The following NAV2 variants were observed in gnomAD, a reference collection of about 807,000 sequenced individuals.
NAV2 encodes the protein helicase, APC down-regulated 1.
NAV2 carries 54 observed loss-of-function variants against 223.2 expected under a neutral mutation model. That is an observed-to-expected ratio of 0.24 (90% confidence interval 0.19 to 0.30). The LOEUF is 0.30. NAV2 is among the 10% of genes least tolerant of loss of function. The pLI, the probability that NAV2 is intolerant of heterozygous loss-of-function variation, is 1.00. For missense variants in NAV2, 2,806 were observed against 3,147.5 expected (o/e 0.89, Z 2.60); for synonymous variants, 1,279 against 1,239.3 (o/e 1.03, Z -0.67).
At position 20,118,713 on chromosome 11, in the gene NAV2, G is replaced by C. The variant is rs1297791455; in HGVS notation, c.*455G>C. 6.0e-6 allele frequency: 1 copy of C among 166,934 alleles called. No homozygotes were observed. The highest frequency in any genetic ancestry group is 1.3e-5 in the Non-Finnish European group (1 of 78,298). 10.3% of individuals were successfully genotyped at this position (166,934 alleles called of 1,614,324 possible). A position where few individuals can be genotyped will look rare whatever the true frequency, so the allele number is the denominator to read the frequency against. ...AGAAGCACGGCTTCCCCTCAGCACA[G>C]ACCCTCCAGACTGGGTCTCAGAGCC... On this transcript the variant is annotated 3_prime_UTR_variant, in exon 38 of 38. Transcript: ENST00000349880.
intron 1 of NAV2, chr11:19,504,503 T>G (rs1157123905): frequency 6.6e-6 from 1 of 152,170 alleles, no homozygotes; most frequent in Non-Finnish European, 1.5e-5. Flanking sequence ...GAGGTTCCTG[T>G]TAGGAGACAT....
intron 6 of NAV2, among the ~76,000 whole-genome samples, chr11:19,924,295 T>TAA (rs76734395): frequency 3.4e-4 from 44 of 129,630 alleles, no homozygotes; most frequent in African/African-American, 6.9e-4. Context: ...GGTAATTCTT[T>TAA]AAAAAAAAAA....
At chr11:19,778,843 T>C (rs2056501660) in intron 1 of NAV2, among the ~76,000 whole-genome samples, 1 of 152,118 alleles carries the variant, frequency 6.6e-6, no homozygotes, top group Admixed American at 6.5e-5. Context: ...TTCACATAAT[T>C]TCTCTCCAAG....
chr11:19,950,276 C>T (rs1275449164), intron 10 of NAV2, among the ~76,000 whole-genome samples: 1 of 152,212 alleles, frequency 6.6e-6, no homozygotes, highest in African/African-American at 2.4e-5. Context: ...ATAGCTAACT[C>T]TCCTATATGC....
At chr11:19,879,794 C>T (rs546513232) in intron 4 of NAV2, 75 bp from the exon 5 acceptor site, 90 of 1,555,844 alleles carry the variant, frequency 5.8e-5, no homozygotes, top group East Asian at 1.1e-4. Flanking sequence ...ATCAAACTCA[C>T]GTGCCGACTG....
rs989176648 is a variant in NAV2, at chr11:19,998,414, G to A, written c.2768+14167G>A. 4.6e-5 allele frequency among the ~76,000 whole-genome samples: 7 copies of A among 151,922 alleles called. No individual in the cohort carries two copies. The East Asian group carries it at 9.7e-4, about 21-fold the overall frequency. ...ACTGTACCCACCAGGGCCTTCATGC[G>A]GTACGTTCTCCACCCAGAAGCTATT... is the stretch of plus-strand genomic sequence containing the variant. On this transcript the variant is annotated intron_variant, in intron 11 of 37. Coordinates refer to ENST00000349880, the MANE Select transcript of NAV2 (RefSeq NM_145117.5). This position sits in a 1 kb window ranked among gnomAD's most constrained non-coding sequence, Gnocchi z 5.0.
chr11:20,002,034 G>A (rs1339570432), intron 11 of NAV2, among the ~76,000 whole-genome samples: 3 of 152,110 alleles, frequency 2.0e-5, no homozygotes, highest in Non-Finnish European at 4.4e-5. Flanking sequence ...CGGCATGGTC[G>A]AGTTCTGATG....
At chr11:20,076,555 AC>A in intron 22 of NAV2, among the ~76,000 whole-genome samples, 1 of 152,184 alleles carries the variant, frequency 6.6e-6, no homozygotes, top group Admixed American at 6.5e-5. Flanking sequence ...CCTTAGCATG[AC>A]TGTTTGAAAC....
intron 1 of NAV2, among the ~76,000 whole-genome samples, chr11:19,586,576 T>C (rs2045902853): frequency 6.6e-6 from 1 of 152,248 alleles, no homozygotes; most frequent in Non-Finnish European, 1.5e-5. Context: ...GTCCTTTCTG[T>C]TTGTTAGTTT....
chr11:19,404,028 G>C (rs1203858290), intron 1 of NAV2, among the ~76,000 whole-genome samples: 1 of 152,142 alleles, frequency 6.6e-6, no homozygotes, highest in African/African-American at 2.4e-5. Flanking sequence ...TGAGTCTGAG[G>C]AGTGAGTGAG....
At chr11:20,051,235 C>G in intron 16 of NAV2, 54 bp from the exon 17 acceptor site, 1 of 1,512,604 alleles carries the variant, frequency 6.6e-7, no homozygotes, top group Non-Finnish European at 9.2e-7. Flanking sequence ...TTCCCTCTCT[C>G]TGCCTTCTGT....
chr11:19,364,319 C>G (rs900509445), intron 1 of NAV2, among the ~76,000 whole-genome samples: 12 of 152,182 alleles, frequency 7.9e-5, no homozygotes, highest in African/African-American at 2.9e-4. Context: ...CTTATTATAT[C>G]ACAGTATCAC....
At chr11:19,554,030 A>G (rs2044781836) in intron 1 of NAV2, among the ~76,000 whole-genome samples, 1 of 152,230 alleles carries the variant, frequency 6.6e-6, no homozygotes, top group Admixed American at 6.5e-5. Context: ...AGAGCATTTC[A>G]TACTGAAAAG....
intron 1 of NAV2, among the ~76,000 whole-genome samples, chr11:19,558,584 T>C (rs2044984370): frequency 6.6e-6 from 1 of 152,206 alleles, no homozygotes; most frequent in Non-Finnish European, 1.5e-5. Flanking sequence ...ACCACCTTCC[T>C]ATGGCCCAAT....
chr11:20,066,724 G>A (rs2059064884), intron 20 of NAV2, among the ~76,000 whole-genome samples: 1 of 152,178 alleles, frequency 6.6e-6, no homozygotes, highest in East Asian at 1.9e-4. Context: ...TGACATCAGG[G>A]TCAGATGCTG....
chr11:19,987,615 G>T (rs908333827), intron 11 of NAV2, among the ~76,000 whole-genome samples: 5 of 152,222 alleles, frequency 3.3e-5, no homozygotes, highest in African/African-American at 1.2e-4. Flanking sequence ...TATCTTCAGG[G>T]TTATTAAAAG....
chr11:19,483,078 T>A (rs375204900), intron 1 of NAV2, among the ~76,000 whole-genome samples: 10 of 152,214 alleles, frequency 6.6e-5, no homozygotes, highest in African/African-American at 2.4e-4. Context: ...AGACACAGTG[T>A]TAAGTCCTTT....
At chr11:19,912,107 A>C (rs1360878683) in intron 6 of NAV2, among the ~76,000 whole-genome samples, 1 of 152,224 alleles carries the variant, frequency 6.6e-6, no homozygotes, top group African/African-American at 2.4e-5. Context: ...ATTTTTAAGC[A>C]GAATGTCTGT....
chr11:19,836,465 G>T (rs1306553171), intron 2 of NAV2, among the ~76,000 whole-genome samples: 1 of 151,694 alleles, frequency 6.6e-6, no homozygotes, highest in African/African-American at 2.4e-5. Flanking sequence ...GCTGAGGCAG[G>T]AGAATGGCGT....
Sources: allele counts gnomAD v4.1 joint callset (sites outside exome capture counted in the v4.1 genomes callset), GRCh38; gene constraint gnomAD v4.1.1; non-coding constraint Gnocchi (gnomAD v3.1); transcripts MANE v1.5; gene names NCBI Gene and HGNC (gene_info 2026-07-23, HGNC 2026-07-21).